The following EXT1 variants were observed in gnomAD, a reference collection of about 807,000 sequenced individuals.
EXT1 encodes the protein exostosin-1.
EXT1 carries 20 observed loss-of-function variants against 82.5 expected under a neutral mutation model. The observed-to-expected ratio is 0.24, with a 90% CI of 0.17 to 0.35. The LOEUF is 0.35. Among genes scored for constraint, EXT1 ranks in the 10% least tolerant of loss-of-function variants. EXT1 has a pLI of 1.00. For missense variants in EXT1, 757 were observed against 936.5 expected (o/e 0.81, Z 2.50); for synonymous variants, 348 against 350.8 (o/e 0.99, Z 0.09).
intron 1 of EXT1, among the ~76,000 whole-genome samples, chr8:118,072,666 C>T (rs1817117236): frequency 6.6e-6 from 1 of 152,196 alleles, no homozygotes; most frequent in African/African-American, 2.4e-5. Context: ...GATCTGGCTG[C>T]ACATTTTTTC....
chr8:118,003,524 A>G (rs1248809668), intron 1 of EXT1, among the ~76,000 whole-genome samples: 1 of 152,226 alleles, frequency 6.6e-6, no homozygotes, highest in East Asian at 1.9e-4. Context: ...AAGAAGGGAA[A>G]TTTAAAAAAT....
At chr8:118,091,439 CA>C (rs1047891850) in intron 1 of EXT1, among the ~76,000 whole-genome samples, 1 of 152,028 alleles carries the variant, frequency 6.6e-6, no homozygotes, top group Non-Finnish European at 1.5e-5. Flanking sequence ...TGTGTTATTA[CA>C]AAAAAATAAA....
intron 1 of EXT1, among the ~76,000 whole-genome samples, chr8:118,062,813 C>G (rs1027153825): frequency 7.2e-5 from 11 of 152,178 alleles, no homozygotes; most frequent in Middle Eastern, 6.3e-3. Context: ...AGCAAGGAAA[C>G]TGCATGCTAG....
chr8:118,071,450 C>T (rs902017689), intron 1 of EXT1, among the ~76,000 whole-genome samples: 2 of 145,642 alleles, frequency 1.4e-5, no homozygotes, highest in East Asian at 4.0e-4. Context: ...ATCTCCATGA[C>T]GGAAAGAGAC....
intron 1 of EXT1, among the ~76,000 whole-genome samples, chr8:117,860,146 C>CAAAAAA (rs34399339): frequency 3.9e-5 from 3 of 76,894 alleles, no homozygotes; most frequent in Non-Finnish European, 6.8e-5. Flanking sequence ...GATTCTATCT[C>CAAAAAA]AAAAAAAAAA....
chr8:118,110,895 G>C lies in EXT1; in HGVS notation c.152C>G (p.Pro51Arg), dbSNP rs761175866. 3 of 1,614,042 alleles carry C rather than the reference G, an allele frequency of 1.9e-6. No homozygotes were observed. Among genetic ancestry groups the C allele is most frequent in the East Asian group, 2.2e-5 (1 of 44,856 alleles). The change falls in exon 1 of 11, where the codon CCG (proline) becomes CGG (arginine). Residue 51 changes from proline (P) to arginine (R), a missense_variant. Coordinates refer to ENST00000378204, the MANE Select transcript of EXT1 (RefSeq NM_000127.3). ...SGRNGLHHPS[P>R]DHFWPRFPDA... ...CGGGAAGCGGGGCCAGAAATGATCCGGACTGGGGTGGTGCAAGCCATTCCT... is the reference window on the plus strand; with the variant it reads ...CGGGAAGCGGGGCCAGAAATGATCCCGACTGGGGTGGTGCAAGCCATTCCT...
intron 1 of EXT1, among the ~76,000 whole-genome samples, chr8:117,880,739 C>T (rs1268516022): frequency 2.0e-5 from 3 of 151,830 alleles, no homozygotes; most frequent in East Asian, 1.9e-4. Context: ...TACAGGCGCC[C>T]GCCACCACGC....
intron 7 of EXT1, among the ~76,000 whole-genome samples, chr8:117,817,646 T>A: frequency 6.6e-6 from 1 of 151,994 alleles, no homozygotes; most frequent in East Asian, 1.9e-4. Flanking sequence ...TGAGGGGTGG[T>A]CAAGACTTAC....
In EXT1 at chr8:117,812,913, C is replaced by T. The variant is rs1823351827; in HGVS notation, c.1681G>A (p.Val561Met). Residue 561 changes from valine (V) to methionine (M), a missense_variant, in exon 8 of 11, where the codon GTG (valine) becomes ATG (methionine). Physicochemically the swap from Val to Met is conservative, Grantham distance 21. Around this residue, in one of 4 missense-constraint regions of EXT1, gnomAD observed 207 missense variants for 224.2 expected, o/e 0.92. Coordinates refer to ENST00000378204, the MANE Select transcript of EXT1 (RefSeq NM_000127.3). ...ACCGTGTCCTCGTCAAGGCTGAGCA[C>T]GGCGTCTGTGATGATGTTGTCGTAG... is the stretch of plus-strand genomic sequence containing the variant. ...LPYDNIITDA[V>M]LSLDEDTVLS... 6 of 1,613,876 alleles carry T rather than the reference C, an allele frequency of 3.7e-6. No individual in the cohort carries two copies. Among genetic ancestry groups the T allele is most frequent in the African/African-American group, 1.3e-5 (1 of 74,888 alleles).
intron 1 of EXT1, among the ~76,000 whole-genome samples, chr8:117,974,107 C>T (rs1234669769): frequency 6.6e-6 from 1 of 152,122 alleles, no homozygotes; most frequent in African/African-American, 2.4e-5. Flanking sequence ...GGTCACAAAA[C>T]TATTCTCATC....
At chr8:117,976,873 T>C (rs1187590444) in intron 1 of EXT1, among the ~76,000 whole-genome samples, 1 of 152,082 alleles carries the variant, frequency 6.6e-6, no homozygotes, top group Non-Finnish European at 1.5e-5. Flanking sequence ...GAGACCCTTT[T>C]GGATAAGCTG....
At chr8:117,865,862 A>T (rs1812766989) in intron 1 of EXT1, among the ~76,000 whole-genome samples, 1 of 152,198 alleles carries the variant, frequency 6.6e-6, no homozygotes, top group African/African-American at 2.4e-5. Context: ...ATATCACATT[A>T]ATAAAGGAAG....
chr8:117,887,124 T>C (rs1323317868), intron 1 of EXT1, among the ~76,000 whole-genome samples: 1 of 152,176 alleles, frequency 6.6e-6, no homozygotes, highest in Non-Finnish European at 1.5e-5. Flanking sequence ...ATCACCTTTG[T>C]CTTTTATTTG....
intron 6 of EXT1, 132 bp from the exon 7 acceptor site, chr8:117,818,662 C>A: frequency 1.4e-6 from 1 of 731,632 alleles, no homozygotes; most frequent in Non-Finnish European, 2.4e-6. Context: ...CGGCAGACAT[C>A]AAAACTGAGT....
chr8:118,002,460 T>C (rs1343659541), intron 1 of EXT1, among the ~76,000 whole-genome samples: 3 of 144,688 alleles, frequency 2.1e-5, no homozygotes, highest in Non-Finnish European at 4.5e-5. Context: ...CATTAAGAAA[T>C]GAGATTTACA....
intron 1 of EXT1, among the ~76,000 whole-genome samples, chr8:117,941,849 G>A (rs968635891): frequency 2.0e-5 from 3 of 152,206 alleles, no homozygotes; most frequent in African/African-American, 4.8e-5. Flanking sequence ...CAGGCAAAAC[G>A]TACAAATGGC....
chr8:117,941,523 AAC>A lies in EXT1; in HGVS notation c.963-104324_963-104323del, dbSNP rs1343230670. ...TAAATTCAACAGAGGCAGAAAAAGC[AAC>A]ACACTTTGCAAAGTAGTCAGGAAGG... is the stretch of plus-strand genomic sequence containing the variant. On this transcript the variant is annotated intron_variant, in intron 1 of 10. Transcript: ENST00000378204. Among the ~76,000 whole-genome samples, 21 of 152,336 alleles carry A rather than the reference AAC, an allele frequency of 1.4e-4. 1 individual carries two copies. The highest frequency in any genetic ancestry group is 1.3e-3 in the Admixed American group (20 of 15,306).
At chr8:117,829,269 T>C (rs1194634710) in intron 4 of EXT1, among the ~76,000 whole-genome samples, 3 of 152,134 alleles carry the variant, frequency 2.0e-5, no homozygotes, top group African/African-American at 7.2e-5. Context: ...GTTTTAATCA[T>C]CTCCATGCTT....
intron 1 of EXT1, among the ~76,000 whole-genome samples, chr8:118,067,461 C>T (rs2129955943): frequency 6.6e-6 from 1 of 152,332 alleles, no homozygotes; most frequent in East Asian, 1.9e-4. Flanking sequence ...GGATGACTGA[C>T]TGCTTGAGAG....
Sources: allele counts gnomAD v4.1 joint callset (sites outside exome capture counted in the v4.1 genomes callset), GRCh38; gene constraint gnomAD v4.1.1; regional missense constraint gnomAD v4.1.1; transcripts MANE v1.5; gene names NCBI Gene and HGNC (gene_info 2026-07-23, HGNC 2026-07-21).